RAD51B: variants seen among roughly 807,000 people sequenced by gnomAD.
RAD51B encodes the protein DNA repair protein RAD51 homolog 2.
RAD51B carries 38 observed loss-of-function variants against 42.2 expected under a neutral mutation model. The ratio of observed to expected loss-of-function variants is 0.90; its 90% CI spans 0.70 to 1.18. The LOEUF is 1.18. RAD51B is among the 50% of genes most tolerant of loss of function. RAD51B has a pLI of 0.00. For missense variants in RAD51B, 373 were observed against 400.7 expected, an observed-to-expected ratio of 0.93 and a Z score of 0.59; for synonymous variants, 154 against 145.2, an observed-to-expected ratio of 1.06 and a Z score of -0.43.
intron 11 of RAD51B, among the ~76,000 whole-genome samples, chr14:68,661,072 A>G (rs1230744845): frequency 6.6e-6 from 1 of 152,252 alleles, no homozygotes; most frequent in Non-Finnish European, 1.5e-5. Context: ...CCAGCCATTT[A>G]GGAAGCAGTG....
At chr14:68,678,449 C>G (rs553870349) in intron 11 of RAD51B, among the ~76,000 whole-genome samples, 1 of 152,382 alleles carries the variant, frequency 6.6e-6, no homozygotes, top group South Asian at 2.1e-4. Context: ...GTCTCTAGCA[C>G]TGTTCTAGGT....
At chr14:68,624,862 G>A (rs1892038423) in intron 10 of RAD51B, among the ~76,000 whole-genome samples, 1 of 152,112 alleles carries the variant, frequency 6.6e-6, no homozygotes, top group Non-Finnish European at 1.5e-5. Context: ...CATATCCAGA[G>A]CCCTCCCATG....
At chr14:68,139,085 G>T (rs540591587) in intron 7 of RAD51B, among the ~76,000 whole-genome samples, 1 of 151,850 alleles carries the variant, frequency 6.6e-6, no homozygotes, top group African/African-American at 2.4e-5. Flanking sequence ...ACTTGAAACC[G>T]CATGAATTTA....
chr14:68,247,518 GA>G (rs1415614936), intron 7 of RAD51B, among the ~76,000 whole-genome samples: 2 of 152,176 alleles, frequency 1.3e-5, no homozygotes, highest in African/African-American at 4.8e-5. Flanking sequence ...TATCACAATG[GA>G]AGGCTCTGCC....
At chr14:68,039,780 A>G (rs1355166494) in intron 7 of RAD51B, among the ~76,000 whole-genome samples, 1 of 152,170 alleles carries the variant, frequency 6.6e-6, no homozygotes, top group African/African-American at 2.4e-5. Context: ...CTCACCTATG[A>G]CCCTAGACTT....
At chr14:68,315,647 G>A (rs1048100521) in intron 8 of RAD51B, among the ~76,000 whole-genome samples, 10 of 151,762 alleles carry the variant, frequency 6.6e-5, no homozygotes, top group Admixed American at 2.0e-4. Context: ...TCAGCCTCCC[G>A]AGTAGCTGGG....
At chr14:68,046,469 T>C (rs2076302106) in intron 7 of RAD51B, among the ~76,000 whole-genome samples, 1 of 152,250 alleles carries the variant, frequency 6.6e-6, no homozygotes, top group Non-Finnish European at 1.5e-5. Context: ...CTGGACATGG[T>C]GGCTCATGCC....
chr14:68,674,183 TATAC>T (rs1352188920), intron 11 of RAD51B, among the ~76,000 whole-genome samples: 1 of 67,130 alleles, frequency 1.5e-5, no homozygotes, highest in Non-Finnish European at 2.8e-5. Context: ...TGTATACACA[TATAC>T]ATCACATACA....
At chr14:68,571,814 T>C (rs1594985221) in intron 10 of RAD51B, among the ~76,000 whole-genome samples, 1 of 152,134 alleles carries the variant, frequency 6.6e-6, no homozygotes, top group East Asian at 1.9e-4. Context: ...TGTTTGTTTG[T>C]TTGTTTGTTT....
At position 68,043,786 on chromosome 14, in the gene RAD51B, A is replaced by C. The variant is rs573214062; in HGVS notation, c.756+156582A>C. 2.0e-5 allele frequency among the ~76,000 whole-genome samples: 3 copies of C among 152,376 alleles called. No individual in the cohort carries two copies. The East Asian group carries it at 5.8e-4, about 29-fold the overall frequency. On this transcript the variant is annotated intron_variant, in intron 7 of 10. Coordinates refer to ENST00000471583, the MANE Select transcript of RAD51B (RefSeq NM_133510.4). ...AAGAAATAGATTGGAATTAAAAAAC[A>C]AACTAAGACTAAGCATAAGTGAGAT... is the stretch of plus-strand genomic sequence containing the variant.
At chr14:67,932,181 A>G (rs1368808670) in intron 7 of RAD51B, among the ~76,000 whole-genome samples, 3 of 152,040 alleles carry the variant, frequency 2.0e-5, no homozygotes, top group Non-Finnish European at 2.9e-5. Flanking sequence ...CTTTATGTCC[A>G]TGTGTACCCA....
intron 7 of RAD51B, among the ~76,000 whole-genome samples, chr14:68,187,737 G>A (rs1339472641): frequency 6.6e-6 from 1 of 152,082 alleles, no homozygotes; most frequent in Non-Finnish European, 1.5e-5. Context: ...GCTTCACAAA[G>A]AATGTGTTTA....
At chr14:68,319,920 A>C (rs1242933607) in intron 8 of RAD51B, among the ~76,000 whole-genome samples, 1 of 152,200 alleles carries the variant, frequency 6.6e-6, no homozygotes, top group African/African-American at 2.4e-5. Flanking sequence ...TATGAGACAG[A>C]TACTGTTATC....
intron 10 of RAD51B, among the ~76,000 whole-genome samples, chr14:68,603,179 T>C (rs1166126099): frequency 1.3e-5 from 2 of 152,220 alleles, no homozygotes; most frequent in Non-Finnish European, 2.9e-5. Flanking sequence ...GTGCCTTATA[T>C]GGATTAGGCC....
rs139305018 is a variant in RAD51B at position 68,023,617 on chromosome 14, G to A, written c.756+136413G>A. Among the ~76,000 whole-genome samples the A allele has an allele frequency of 8.7e-3, 1,328 of 152,188 alleles. 21 individuals are homozygous for A. The highest frequency in any genetic ancestry group is 0.043 in the Admixed American group (656 of 15,286). ...GCCAGGATTACTGGTGTGAGGCACC[G>A]CACCTGACCTGCTTTTTGGTATGTC... On this transcript the variant is annotated intron_variant, in intron 7 of 10. Coordinates refer to ENST00000471583, the MANE Select transcript of RAD51B (RefSeq NM_133510.4).
At chr14:68,510,495 G>C (rs1885652922) in intron 10 of RAD51B, among the ~76,000 whole-genome samples, 1 of 152,204 alleles carries the variant, frequency 6.6e-6, no homozygotes, top group African/African-American at 2.4e-5. Flanking sequence ...TCTGGAGCCC[G>C]GCTCTCCCTG....
intron 9 of RAD51B, chr14:68,421,820 C>T: frequency 1.3e-6 from 2 of 1,594,574 alleles, no homozygotes; most frequent in Non-Finnish European, 1.7e-6. Flanking sequence ...AGAGCACGTG[C>T]TTGCCATCCA....
At chr14:68,391,851 C>T (rs1566852677) in intron 8 of RAD51B, among the ~76,000 whole-genome samples, 1 of 152,180 alleles carries the variant, frequency 6.6e-6, no homozygotes, top group Admixed American at 6.5e-5. Context: ...CACAGTCAGT[C>T]CTTTATATCC....
chr14:68,202,234 T>C (rs1038124062), intron 7 of RAD51B, among the ~76,000 whole-genome samples: 2 of 152,226 alleles, frequency 1.3e-5, no homozygotes, highest in Non-Finnish European at 2.9e-5. Context: ...GCCTGGATGT[T>C]AGTGGCTGCT....
Sources: gnomAD v4.1 joint callset for allele counts (sites outside exome capture counted in the v4.1 genomes callset) on GRCh38, gnomAD v4.1.1 for gene constraint, MANE v1.5 for transcripts, NCBI Gene and HGNC (gene_info 2026-07-23, HGNC 2026-07-21) for gene names.